Variants in ZZZ3 observed in about 807,000 individuals in gnomAD.
ZZZ3 encodes zinc finger ZZ-type containing 3, also known as ZZ-type zinc finger-containing protein 3.
ZZZ3 carries 22 observed loss-of-function variants against 95.2 expected under a neutral mutation model. The ratio of observed to expected loss-of-function variants is 0.23; its 90% confidence interval spans 0.17 to 0.33. The LOEUF (loss-of-function observed/expected upper bound fraction) is 0.33. Ranked by LOEUF, ZZZ3 falls within the 10% of genes least tolerant of loss-of-function variation. ZZZ3 has a pLI of 1.00. For missense variants in ZZZ3, 885 were observed against 1,066.5 expected, an observed-to-expected ratio of 0.83 and a Z score of 2.37; for synonymous variants, 335 against 358.9, an observed-to-expected ratio of 0.93 and a Z score of 0.75.
At chr1:77,606,810 C>T (rs1665279737) in intron 5 of ZZZ3, among the ~76,000 whole-genome samples, 1 of 152,198 alleles carries the variant, frequency 6.6e-6, no homozygotes, top group African/African-American at 2.4e-5. Context: ...TAGATCACAA[C>T]ACTCAAGTCC....
At chr1:77,595,609 G>A (rs530309984) in intron 5 of ZZZ3, among the ~76,000 whole-genome samples, 2 of 152,070 alleles carry the variant, frequency 1.3e-5, no homozygotes, top group South Asian at 4.1e-4. Flanking sequence ...TGTGAAGCAT[G>A]CCCTTCACAA....
chr1:77,648,621 G>A (rs1159943591), intron 1 of ZZZ3, among the ~76,000 whole-genome samples: 1 of 152,086 alleles, frequency 6.6e-6, no homozygotes, highest in Non-Finnish European at 1.5e-5. Context: ...GACACTGAAA[G>A]AAAAGGTCAA....
intron 1 of ZZZ3, among the ~76,000 whole-genome samples, chr1:77,644,135 G>A (rs749589761): frequency 2.0e-5 from 3 of 151,174 alleles, no homozygotes; most frequent in Non-Finnish European, 4.4e-5. Context: ...GTGCGATCTC[G>A]ACTCAATGCA....
At chr1:77,638,282 AT>A (rs1195946664) in intron 4 of ZZZ3, among the ~76,000 whole-genome samples, 1 of 152,094 alleles carries the variant, frequency 6.6e-6, no homozygotes, top group African/African-American at 2.4e-5. Flanking sequence ...CTACCCACAT[AT>A]TTGCTGCTGA....
chr1:77,583,413 A>G (rs1446142694), intron 6 of ZZZ3, among the ~76,000 whole-genome samples: 1 of 152,198 alleles, frequency 6.6e-6, no homozygotes, highest in Non-Finnish European at 1.5e-5. Flanking sequence ...TGCAGAATCA[A>G]TAAACACTTA....
rs184982435 is a variant in ZZZ3, at chr1:77,656,551, A to G, written c.-402-14896T>C. Among the ~76,000 whole-genome samples, 44 of 152,346 alleles carry G rather than the reference A, an allele frequency of 2.9e-4. 1 individual carries two copies. Among genetic ancestry groups the G allele is most frequent in the Admixed American group, 3.9e-4 (6 of 15,308 alleles). ...TATTTTACCATTTCTCATGGGACAGAGTCCTCCCTGAAATATCTTTTGATA... is the reference window on the plus strand; with the variant it reads ...TATTTTACCATTTCTCATGGGACAGGGTCCTCCCTGAAATATCTTTTGATA... On this transcript the variant is annotated intron_variant, in intron 1 of 14. Transcript: ENST00000370801.
In ZZZ3 at chr1:77,568,471, CAAAA is replaced by C. The variant is rs10581619; in HGVS notation, c.2332-9_2332-6del. The C allele has an allele frequency of 0.038, 22,005 of 583,442 alleles. 28 individuals carry two copies. Among genetic ancestry groups the C allele is most frequent in the Non-Finnish European group, 0.042 (17,884 of 426,398 alleles). The allele number at this position is 583,442 out of a possible 1,614,324, so 36.1% of individuals were successfully genotyped here. A position where few individuals can be genotyped will look rare whatever the true frequency, so the allele number is the denominator to read the frequency against. Reference sequence around the variant, plus strand: ...GATAGGAATACTTTCGTCATCCTATCAAAAAAAAAAAAAAAAAAAAATGTTGGTT... The same window carrying C: ...GATAGGAATACTTTCGTCATCCTATCAAAAAAAAAAAAAAAAATGTTGGTT... On this transcript the variant is annotated splice_region_variant and splice_polypyrimidine_tract_variant and intron_variant, in intron 12 of 14. Transcript: ENST00000370801.
chr1:77,563,960 T>C lies in ZZZ3; in HGVS notation c.*1680A>G, dbSNP rs1244145858. On this transcript the variant is annotated 3_prime_UTR_variant, in exon 15 of 15. Coordinates refer to ENST00000370801, the MANE Select transcript of ZZZ3 (RefSeq NM_015534.6). ...TTAAAAAAAATTCAGGGTATGATTTTAGTACCCTGCTATGTACTGAAGAGA... is the reference window on the plus strand; with the variant it reads ...TTAAAAAAAATTCAGGGTATGATTTCAGTACCCTGCTATGTACTGAAGAGA... 1.3e-5 allele frequency: 2 copies of C among 152,164 alleles called. No homozygotes were observed. Among genetic ancestry groups the C allele is most frequent in the Non-Finnish European group, 2.9e-5 (2 of 68,004 alleles). 9.4% of individuals were successfully genotyped at this position (152,164 alleles called of 1,614,324 possible).
At chr1:77,596,274 C>A (rs1187891770) in intron 5 of ZZZ3, among the ~76,000 whole-genome samples, 1 of 152,118 alleles carries the variant, frequency 6.6e-6, no homozygotes, top group South Asian at 2.1e-4. Flanking sequence ...GCTACATATA[C>A]TTTATGATTC....
chr1:77,665,017 T>G (rs1671130840), intron 1 of ZZZ3, among the ~76,000 whole-genome samples: 1 of 152,174 alleles, frequency 6.6e-6, no homozygotes, highest in African/African-American at 2.4e-5. Context: ...TCAATACCTC[T>G]CAGTTCCTTA....
chr1:77,655,361 T>C (rs1670175926), intron 1 of ZZZ3, among the ~76,000 whole-genome samples: 1 of 151,880 alleles, frequency 6.6e-6, no homozygotes, highest in Non-Finnish European at 1.5e-5. Flanking sequence ...AAGTAAAGGG[T>C]TTTTAAGATC....
intron 11 of ZZZ3, among the ~76,000 whole-genome samples, chr1:77,577,243 C>G (rs958428407): frequency 1.4e-4 from 21 of 152,176 alleles, no homozygotes; most frequent in African/African-American, 4.6e-4. Flanking sequence ...TACAGTACAC[C>G]TAAGGGAAAA....
At chr1:77,612,610 A>T (rs1665922018) in intron 5 of ZZZ3, among the ~76,000 whole-genome samples, 1 of 152,100 alleles carries the variant, frequency 6.6e-6, no homozygotes, top group Non-Finnish European at 1.5e-5. Context: ...TCAATTTTTT[A>T]AAAGGAGATA....
chr1:77,570,184 A>G (rs1661237504), intron 12 of ZZZ3, among the ~76,000 whole-genome samples: 1 of 151,826 alleles, frequency 6.6e-6, no homozygotes, highest in Admixed American at 6.6e-5. Flanking sequence ...CTCACTGCAA[A>G]CTCTGCCTTC....
intron 5 of ZZZ3, among the ~76,000 whole-genome samples, chr1:77,623,080 T>C (rs917054672): frequency 2.0e-5 from 3 of 152,148 alleles, no homozygotes; most frequent in Non-Finnish European, 2.9e-5. Context: ...ATACAAATAA[T>C]AACTATTTCC....
rs1661041215 is a variant in ZZZ3, at chr1:77,568,457, T to G, written c.2341A>C (p.Ser781Arg). Residue 781 changes from serine to arginine, a missense_variant, in exon 13 of 15, where the codon AGT (serine) becomes CGT (arginine). Around this residue, in one of 5 missense-constraint regions of ZZZ3, gnomAD observed 221 missense variants for 247.8 expected, o/e 0.89. Coordinates refer to ENST00000370801, the MANE Select transcript of ZZZ3 (RefSeq NM_015534.6). Reference protein sequence around the residue: ...TAVEDASDDESIPIMYRNLPE... With the variant: ...TAVEDASDDERIPIMYRNLPE... ...AAATTCCTATACATGATAGGAATAC[T>G]TTCGTCATCCTATCAAAAAAAAAAA... 8.4e-7 allele frequency: 1 copy of G among 1,191,322 alleles called. No homozygotes were observed. Among genetic ancestry groups the G allele is most frequent in the South Asian group, 1.6e-5 (1 of 64,042 alleles). The allele number at this position is 1,191,322 out of a possible 1,614,324, so 73.8% of individuals were successfully genotyped here. A position where few individuals can be genotyped will look rare whatever the true frequency, so the allele number is the denominator to read the frequency against.
chr1:77,604,474 T>C (rs576899263), intron 5 of ZZZ3, among the ~76,000 whole-genome samples: 1 of 152,314 alleles, frequency 6.6e-6, no homozygotes, highest in East Asian at 1.9e-4. Flanking sequence ...TTTAAAGTAT[T>C]TGCAGGCTAG....
intron 1 of ZZZ3, among the ~76,000 whole-genome samples, chr1:77,647,486 T>G (rs1669393044): frequency 6.7e-6 from 1 of 148,456 alleles, no homozygotes; most frequent in South Asian, 2.1e-4. Context: ...ACCACTGCAC[T>G]CCAGCCAGGC....
rs997046230 is a variant in ZZZ3, at chr1:77,610,190, T to G, written c.1505+21660A>C. ...ACACCACAGAAAGTCAAAGGATCAT[T>G]AGAGCAACTAATTGCTCTAATTGGA... On this transcript the variant is annotated intron_variant, in intron 5 of 14. Transcript: ENST00000370801. 2.0e-5 allele frequency among the ~76,000 whole-genome samples: 3 copies of G among 150,300 alleles called. No homozygotes were observed. In the East Asian group the frequency reaches 5.8e-4, roughly 29 times the overall value.
Sources: allele counts gnomAD v4.1 joint callset (sites outside exome capture counted in the v4.1 genomes callset), GRCh38; gene constraint gnomAD v4.1.1; regional missense constraint gnomAD v4.1.1; transcripts MANE v1.5; gene names NCBI Gene and HGNC (gene_info 2026-07-23, HGNC 2026-07-21).